Variants in DLGAP2 observed in about 807,000 individuals in gnomAD.
DLGAP2 encodes the protein disks large-associated protein 2.
Under a neutral mutation model 100.3 loss-of-function variants are expected in DLGAP2, and 26 were observed. The ratio of observed to expected loss-of-function variants is 0.26; its 90% CI spans 0.19 to 0.36. The LOEUF (loss-of-function observed/expected upper bound fraction) is 0.36. DLGAP2 is among the 10% of genes least tolerant of loss of function. The pLI is 1.00. For missense variants in DLGAP2, 1,858 were observed against 1,453.2 expected (o/e 1.28, Z -4.53); for synonymous variants, 886 against 630.1 (o/e 1.41, Z -6.08).
At chr8:1,595,908 C>A (rs958392958) in intron 6 of DLGAP2, among the ~76,000 whole-genome samples, 2 of 151,568 alleles carry the variant, frequency 1.3e-5, no homozygotes, top group Middle Eastern at 3.4e-3. Context: ...TTTTAGGGTA[C>A]ATGTGCACAA....
At chr8:819,205 T>A (rs918489938) in intron 1 of DLGAP2, among the ~76,000 whole-genome samples, 7 of 152,246 alleles carry the variant, frequency 4.6e-5, no homozygotes, top group African/African-American at 1.7e-4. Flanking sequence ...GCCTCATAAG[T>A]GCAATGTTAT....
At chr8:1,316,489 G>A (rs1400753857) in intron 3 of DLGAP2, among the ~76,000 whole-genome samples, 25 of 116,896 alleles carry the variant, frequency 2.1e-4, no homozygotes, top group African/African-American at 4.0e-4. Context: ...GTGTGCGAGT[G>A]CAGCGTCTCT....
chr8:1,489,053 C>A (rs1799302312), intron 3 of DLGAP2, among the ~76,000 whole-genome samples: 1 of 152,224 alleles, frequency 6.6e-6, no homozygotes, highest in African/African-American at 2.4e-5. Flanking sequence ...GGTCCAACTT[C>A]TTTAAGGAAG....
chr8:1,122,372 G>A (rs1195071028), intron 2 of DLGAP2, among the ~76,000 whole-genome samples: 1 of 152,182 alleles, frequency 6.6e-6, no homozygotes, highest in East Asian at 1.9e-4. Context: ...CTTTCCCTAG[G>A]ATGGGCTGAT....
intron 4 of DLGAP2, among the ~76,000 whole-genome samples, chr8:1,541,908 G>C (rs920966463): frequency 1.3e-5 from 2 of 152,196 alleles, no homozygotes; most frequent in African/African-American, 4.8e-5. Flanking sequence ...CATGGTCACG[G>C]AACGTTAAGT....
rs147406253 is a variant in DLGAP2, at chr8:998,102, C to G, written c.73+90136C>G. On this transcript the variant is annotated intron_variant, in intron 2 of 14. Coordinates refer to ENST00000637795, the MANE Select transcript of DLGAP2 (RefSeq NM_001346810.2). ...GCACACACCCGTGTCTGCACAGAAACATACACACGTGTATGAACACAAACA... is the reference window on the plus strand; with the variant it reads ...GCACACACCCGTGTCTGCACAGAAAGATACACACGTGTATGAACACAAACA... Among the ~76,000 whole-genome samples the G allele has an allele frequency of 1.5e-3, 222 of 152,276 alleles. 1 individual carries two copies. Among genetic ancestry groups the G allele is most frequent in the Non-Finnish European group, 2.3e-3 (156 of 68,026 alleles).
intron 1 of DLGAP2, among the ~76,000 whole-genome samples, chr8:811,648 C>T (rs1257847429): frequency 7.0e-6 from 1 of 142,984 alleles, no homozygotes; most frequent in Non-Finnish European, 1.5e-5. Context: ...TGAGCAGGAA[C>T]TATCTGGGGG....
At chr8:1,548,553 G>A (rs1467804112) in intron 4 of DLGAP2, 73 bp from the exon 5 acceptor site, 22 of 1,352,550 alleles carry the variant, frequency 1.6e-5, no homozygotes, top group African/African-American at 9.1e-5. Flanking sequence ...CACGGTGGGG[G>A]TCACATATTC....
At chr8:1,332,889 G>C (rs1801190248) in intron 3 of DLGAP2, among the ~76,000 whole-genome samples, 1 of 152,192 alleles carries the variant, frequency 6.6e-6, no homozygotes, top group African/African-American at 2.4e-5. Flanking sequence ...TGAAAGCTCT[G>C]GGTGTGTCTG....
chr8:1,330,860 G>C (rs1369737904), intron 3 of DLGAP2, among the ~76,000 whole-genome samples: 1 of 149,684 alleles, frequency 6.7e-6, no homozygotes, highest in East Asian at 2.0e-4. Flanking sequence ...CAGGGACTGA[G>C]TTCTGGGTGG....
intron 1 of DLGAP2, among the ~76,000 whole-genome samples, chr8:781,261 T>C (rs972587136): frequency 1.3e-5 from 2 of 152,206 alleles, no homozygotes; most frequent in East Asian, 3.8e-4. Context: ...GTTAAAACTT[T>C]GTGTTGAAAA....
At chr8:1,166,179 C>A (rs1468073049) in intron 2 of DLGAP2, among the ~76,000 whole-genome samples, 2 of 152,116 alleles carry the variant, frequency 1.3e-5, no homozygotes, top group Non-Finnish European at 2.9e-5. Flanking sequence ...TGTCTTACAG[C>A]GTCTGAATTT....
intron 2 of DLGAP2, among the ~76,000 whole-genome samples, chr8:995,974 C>G (rs1800772473): frequency 6.6e-6 from 1 of 152,174 alleles, no homozygotes; most frequent in Non-Finnish European, 1.5e-5. Context: ...CTCCTGGCAC[C>G]TGAACATCCC....
chr8:1,633,672 A>G (rs1258660536), intron 8 of DLGAP2, among the ~76,000 whole-genome samples: 1 of 152,202 alleles, frequency 6.6e-6, no homozygotes, highest in Non-Finnish European at 1.5e-5. Context: ...CACGATGAAT[A>G]CACATGGCCT....
intron 2 of DLGAP2, among the ~76,000 whole-genome samples, chr8:1,099,184 C>T (rs1310484714): frequency 6.6e-6 from 1 of 152,184 alleles, no homozygotes; most frequent in African/African-American, 2.4e-5. Flanking sequence ...GGTGGTTTTA[C>T]CTGGCTGTGC....
chr8:882,162 C>G (rs975526562), intron 1 of DLGAP2, among the ~76,000 whole-genome samples: 2 of 152,346 alleles, frequency 1.3e-5, no homozygotes, highest in Non-Finnish European at 1.5e-5. Flanking sequence ...CCAAATGAGA[C>G]GTGAGACCCA....
intron 2 of DLGAP2, among the ~76,000 whole-genome samples, chr8:1,246,406 G>A (rs1351272439): frequency 6.6e-6 from 1 of 152,142 alleles, no homozygotes; most frequent in African/African-American, 2.4e-5. Context: ...CCTCAACCAG[G>A]GCCTCCTGCC....
chr8:1,597,391 C>G (rs556217378), intron 6 of DLGAP2, among the ~76,000 whole-genome samples: 8 of 126,716 alleles, frequency 6.3e-5, no homozygotes, highest in Non-Finnish European at 1.4e-4. Context: ...TTTTTTTTTC[C>G]TAATTCTGTG....
At position 1,706,349 on chromosome 8, in the gene DLGAP2, T is replaced by C. The variant is rs940480194; in HGVS notation, c.*4943T>C. On this transcript the variant is annotated 3_prime_UTR_variant, in exon 15 of 15. Transcript: ENST00000637795. ...GTGAGGATTAATGACATATTGGCTC[T>C]AAAGTCCTTTGAGCTCCTGGGAACA... 6.6e-5 allele frequency: 10 copies of C among 152,254 alleles called. No homozygotes were observed. The highest frequency in any genetic ancestry group is 2.4e-4 in the African/African-American group (10 of 41,462). The allele number at this position is 152,254 out of a possible 1,614,324, so 9.4% of individuals were successfully genotyped here. A position where few individuals can be genotyped will look rare whatever the true frequency, so the allele number is the denominator to read the frequency against.
Sources: allele counts gnomAD v4.1 joint callset (sites outside exome capture counted in the v4.1 genomes callset), GRCh38; gene constraint gnomAD v4.1.1; transcripts MANE v1.5; gene names NCBI Gene and HGNC (gene_info 2026-07-23, HGNC 2026-07-21).